The following AFF2 variants were observed in gnomAD, a reference collection of about 807,000 sequenced individuals.
AFF2 encodes the protein AF4/FMR2 family member 2.
In AFF2, 14 loss-of-function variants were observed where a neutral mutation model predicts 76.9. That is an observed-to-expected ratio of 0.18 (90% CI 0.12 to 0.28). The LOEUF is 0.28. Ranked by LOEUF, AFF2 falls within the 10% of genes least tolerant of loss-of-function variation. The pLI, the probability that AFF2 is intolerant of heterozygous loss-of-function variation, is 1.00. For missense variants in AFF2, 868 were observed against 1,001.1 expected (o/e 0.87, Z 1.79); for synonymous variants, 398 against 366.7 (o/e 1.09, Z -0.98).
chrX:148,540,652 T>G (rs781900957), intron 1 of AFF2, among the ~76,000 whole-genome samples: 8 of 110,846 alleles, frequency 7.2e-5, no homozygotes, highest in African/African-American at 9.9e-5. Context: ...CCAGTTGGTC[T>G]CAGGCCACTA....
chrX:148,977,382 A>G (rs1368427571), intron 16 of AFF2, among the ~76,000 whole-genome samples: 1 of 110,746 alleles, frequency 9.0e-6, no homozygotes, highest in Non-Finnish European at 1.9e-5. Flanking sequence ...TCCTTTAAAA[A>G]AAAAAACCAA....
chrX:148,630,711 C>T (rs1359381479), intron 1 of AFF2, among the ~76,000 whole-genome samples: 1 of 111,847 alleles, frequency 8.9e-6, no homozygotes, highest in Non-Finnish European at 1.9e-5. Context: ...CTTTTCTGGG[C>T]AGAAAGACAA....
At chrX:148,966,736 A>G in intron 13 of AFF2, 54 bp from the exon 14 acceptor site, 1 of 1,190,478 alleles carries the variant, frequency 8.4e-7, no homozygotes, top group African/African-American at 1.8e-5. Flanking sequence ...ATTTATGACA[A>G]GGTGTTTTAA....
intron 3 of AFF2, among the ~76,000 whole-genome samples, chrX:148,664,753 A>G (rs1394374690): frequency 8.9e-6 from 1 of 112,674 alleles, no homozygotes; most frequent in Non-Finnish European, 1.9e-5. Context: ...AAAAATGGTT[A>G]CTTGATTACA....
intron 1 of AFF2, among the ~76,000 whole-genome samples, chrX:148,602,390 C>T (rs1557248190): frequency 9.2e-6 from 1 of 109,137 alleles, no homozygotes; most frequent in African/African-American, 3.4e-5. Context: ...TGGCAAGATT[C>T]GATTTATGTT....
At chrX:148,524,093 CTCTT>C (rs2052629939) in intron 1 of AFF2, among the ~76,000 whole-genome samples, 1 of 86,204 alleles carries the variant, frequency 1.2e-5, no homozygotes, top group African/African-American at 4.5e-5. Context: ...CTCTCTCTCT[CTCTT>C]TCTCTCTCTC....
intron 1 of AFF2, among the ~76,000 whole-genome samples, chrX:148,604,535 G>T (rs2053656256): frequency 8.9e-6 from 1 of 111,974 alleles, no homozygotes; most frequent in Non-Finnish European, 1.9e-5. Context: ...TGGAAGTAAA[G>T]GCATGTGCCA....
intron 12 of AFF2, among the ~76,000 whole-genome samples, chrX:148,959,375 A>C (rs1485673100): frequency 8.9e-6 from 1 of 112,556 alleles, no homozygotes; most frequent in Non-Finnish European, 1.9e-5. Context: ...CCAGTTTTGG[A>C]GCCTATTAGC....
chrX:148,551,503 AAAAAAAG>A (rs1330195281), intron 1 of AFF2, among the ~76,000 whole-genome samples: 2 of 107,708 alleles, frequency 1.9e-5, no homozygotes, highest in Non-Finnish European at 3.8e-5. Flanking sequence ...AAAAAAAAAA[AAAAAAAG>A]AAGAAAGAAA....
At chrX:148,814,344 A>C (rs782482542) in intron 4 of AFF2, among the ~76,000 whole-genome samples, 1 of 112,278 alleles carries the variant, frequency 8.9e-6, no homozygotes, top group African/African-American at 3.2e-5. Context: ...GTTCTACAGT[A>C]GTATGATTTA....
At chrX:148,593,830 G>A (rs1310955421) in intron 1 of AFF2, among the ~76,000 whole-genome samples, 1 of 111,357 alleles carries the variant, frequency 9.0e-6, no homozygotes, top group African/African-American at 3.3e-5. Flanking sequence ...TACAGATTTA[G>A]AAACTGAAGC....
chrX:148,793,443 A>G (rs1021282123), intron 3 of AFF2, among the ~76,000 whole-genome samples: 56 of 111,786 alleles, frequency 5.0e-4, no homozygotes, highest in African/African-American at 1.7e-3. Context: ...TTGAAGAGAT[A>G]CTATGTTTTC....
At chrX:148,978,961 C>T (rs1287857108) in intron 18 of AFF2, among the ~76,000 whole-genome samples, 1 of 111,885 alleles carries the variant, frequency 8.9e-6, no homozygotes, top group Non-Finnish European at 1.9e-5. Flanking sequence ...AACAAACAAA[C>T]AAAGCCATAT....
chrX:148,736,572 TTACTC>T lies in AFF2; in HGVS notation c.1042-73302_1042-73298del, dbSNP rs781875725. ...TTCTCCCACTCTGTGGGTTGTCTGT[TTACTC>T]TGCTGACTGTTCCTTTTGCCATGCA... is the stretch of plus-strand genomic sequence containing the variant. On this transcript the variant is annotated intron_variant, in intron 3 of 20. Coordinates refer to ENST00000370460, the MANE Select transcript of AFF2 (RefSeq NM_002025.4). Among the ~76,000 whole-genome samples, 30 of 111,724 alleles carry T rather than the reference TTACTC, an allele frequency of 2.7e-4. 1 individual carries two copies. The highest frequency in any genetic ancestry group is 7.5e-4 in the South Asian group (2 of 2,653).
At chrX:148,532,813 TAAAC>T (rs1226917099) in intron 1 of AFF2, among the ~76,000 whole-genome samples, 2 of 112,271 alleles carry the variant, frequency 1.8e-5, no homozygotes, top group South Asian at 3.7e-4. Context: ...TACTTAGACA[TAAAC>T]AAATATTGTA....
chrX:148,993,544 T>C lies in AFF2; in HGVS notation c.*2212T>C, dbSNP rs1208559253. ...TCATGGATTTAGGAGTAGATTCTTC[T>C]TGAAATCCCACATCCAGAAACTAGA... On this transcript the variant is annotated 3_prime_UTR_variant, in exon 21 of 21. Transcript: ENST00000370460. The C allele has an allele frequency of 1.8e-5, 2 of 112,183 alleles. No individual in the cohort carries two copies. Among genetic ancestry groups the C allele is most frequent in the Non-Finnish European group, 3.8e-5 (2 of 53,266 alleles). 9.2% of individuals were successfully genotyped at this position (112,183 alleles called of 1,213,427 possible). A position where few individuals can be genotyped will look rare whatever the true frequency, so the allele number is the denominator to read the frequency against.
At chrX:148,988,496 T>C (rs1362899479) in intron 20 of AFF2, among the ~76,000 whole-genome samples, 1 of 112,010 alleles carries the variant, frequency 8.9e-6, no homozygotes, top group East Asian at 2.8e-4. Context: ...AGCTGCTTCC[T>C]AGCTTCTGTC....
chrX:148,918,884 G>A lies in AFF2; in HGVS notation c.1397+14626G>A, dbSNP rs1006957720. On this transcript the variant is annotated intron_variant, in intron 9 of 20. Coordinates refer to ENST00000370460, the MANE Select transcript of AFF2 (RefSeq NM_002025.4). ...TCTCATCAAAGTACAGACTGCATCT[G>A]ATCTTCCAGCTTCTTAGGCAAAACC... 3.8e-4 allele frequency among the ~76,000 whole-genome samples: 42 copies of A among 111,829 alleles called. 1 individual carries two copies. The highest frequency in any genetic ancestry group is 1.1e-4 in the Non-Finnish European group (6 of 53,129).
intron 7 of AFF2, among the ~76,000 whole-genome samples, chrX:148,881,381 C>T (rs1362300217): frequency 4.5e-5 from 5 of 111,169 alleles, no homozygotes; most frequent in Non-Finnish European, 7.5e-5. Context: ...GGGGGGTCGC[C>T]CTTGGTTCAT....
Sources: gnomAD v4.1 joint callset for allele counts (sites outside exome capture counted in the v4.1 genomes callset) on GRCh38, gnomAD v4.1.1 for gene constraint, MANE v1.5 for transcripts, NCBI Gene and HGNC (gene_info 2026-07-23, HGNC 2026-07-21) for gene names.